Variants in KLK12 observed in about 807,000 individuals in gnomAD.
The protein encoded by KLK12 is kallikrein related peptidase 12.
Under a neutral mutation model 20.0 loss-of-function variants are expected in KLK12, and 23 were observed. The ratio of observed to expected loss-of-function variants is 1.15; its 90% CI spans 0.83 to 1.63. The LOEUF (loss-of-function observed/expected upper bound fraction) is 1.63. KLK12 is among the 40% of genes most tolerant of loss of function. The pLI is 0.00. For missense variants in KLK12, 351 were observed against 338.6 expected (o/e 1.04, Z -0.29); for synonymous variants, 147 against 141.9 (o/e 1.04, Z -0.25).
intron 3 of KLK12, among the ~76,000 whole-genome samples, chr19:51,033,646 G>C (rs1225088256): frequency 6.6e-6 from 1 of 152,090 alleles, no homozygotes; most frequent in Admixed American, 6.6e-5. Context: ...AAGAAAAAGA[G>C]CTTGGGTGAG....
intron 2 of KLK12, 92 bp from the exon 3 acceptor site, chr19:51,034,231 A>G (rs370222137): frequency 1.4e-6 from 2 of 1,388,268 alleles, no homozygotes; most frequent in East Asian, 2.5e-5. Flanking sequence ...CAGGCAGGAG[A>G]GAGAGAGGAG....
intron 5 of KLK12, 86 bp from the exon 6 acceptor site, chr19:51,029,543 T>C (rs1277670886): frequency 1.8e-6 from 2 of 1,130,104 alleles, no homozygotes; most frequent in Non-Finnish European, 2.7e-6. Flanking sequence ...GTCCTGGGCC[T>C]TGGGGAGGGC....
rs967302352 is a variant in KLK12, at chr19:51,029,476, A to G, written c.592-19T>C. The G allele has an allele frequency of 6.3e-7, 1 of 1,588,146 alleles. No individual in the cohort carries two copies. Among genetic ancestry groups the G allele is most frequent in the Non-Finnish European group, 8.6e-7 (1 of 1,156,396 alleles). On this transcript the variant is annotated intron_variant, in intron 5 of 5. Coordinates refer to ENST00000684732, the MANE Select transcript of KLK12 (RefSeq NM_001370125.1). ...AATCACCCTGGAAGGGAAGAGAAGT[A>G]CTGTCTGAACAAGGGAGACATCTTA...
chr19:51,032,881 T>C (rs2091573548), intron 3 of KLK12, among the ~76,000 whole-genome samples: 1 of 152,130 alleles, frequency 6.6e-6, no homozygotes, highest in African/African-American at 2.4e-5. Flanking sequence ...TCTCTCTCCC[T>C]GAGTCTCTGT....
At position 51,032,080 on chromosome 19, in the gene KLK12, G is replaced by T. The variant is rs2091564989; in HGVS notation, c.253C>A (p.Gln85Lys). The change falls in exon 4 of 6, where the codon CAG (glutamine) becomes AAG (lysine). Residue 85 changes from glutamine (Q) to lysine (K), a missense_variant. Gln to Lys is a moderately conservative substitution (Grantham distance 53). Transcript: ENST00000684732. Reference protein sequence around the residue: ...HSLSQLDWTEQIRHSGFSVTH... With the variant: ...HSLSQLDWTEKIRHSGFSVTH... The stretch of plus-strand genomic sequence containing the variant: ...ACAGAGAAGCCGCTGTGCCGGATCT[G>T]CTCGGTCCAGTCGAGCTGGCTGAGG... 4 of 1,604,834 alleles carry T rather than the reference G, an allele frequency of 2.5e-6. No homozygotes were observed. Among genetic ancestry groups the T allele is most frequent in the South Asian group, 1.1e-5 (1 of 90,348 alleles).
rs1599770060 is a variant in KLK12, at chr19:51,031,895, G to A, written c.438C>T (p.Gly146=). The part of the protein sequence containing the change: ...AGTECHVSGW[G]ITNHPRNPFP... ...CCTTACTCCGTGGGTGGTTGGTGATGCCCCAGCCTGAGACGTGGCACTCGG... is the reference window on the plus strand; with the variant it reads ...CCTTACTCCGTGGGTGGTTGGTGATACCCCAGCCTGAGACGTGGCACTCGG... The change falls in exon 4 of 6, where the codon GGC becomes GGT. Residue 146 remains glycine, a synonymous_variant. Coordinates refer to ENST00000684732, the MANE Select transcript of KLK12 (RefSeq NM_001370125.1). 2 of 1,613,592 alleles carry A rather than the reference G, an allele frequency of 1.2e-6. No homozygotes were observed. The highest frequency in any genetic ancestry group is 2.2e-5 in the South Asian group (2 of 91,050).
Position 51,034,861 on chromosome 19 carries a change from C to T in KLK12, c.-75G>A, listed in dbSNP as rs535754334. On this transcript the variant is annotated 5_prime_UTR_variant, in exon 1 of 6. Transcript: ENST00000684732. The stretch of plus-strand genomic sequence containing the variant: ...TGGCTGTCACTGTTTGGCCTGTCCT[C>T]GTCGCTGCTATCTCTCCGTCCACCT... The T allele has an allele frequency of 7.2e-5, 100 of 1,397,820 alleles. No homozygotes were observed. The highest frequency in any genetic ancestry group is 2.7e-4 in the African/African-American group (19 of 69,158). 86.6% of individuals were successfully genotyped at this position (1,397,820 alleles called of 1,614,324 possible). A position where few individuals can be genotyped will look rare whatever the true frequency, so the allele number is the denominator to read the frequency against.
At chr19:51,033,044 T>C (rs1283959653) in intron 3 of KLK12, among the ~76,000 whole-genome samples, 1 of 151,116 alleles carries the variant, frequency 6.6e-6, no homozygotes, top group Non-Finnish European at 1.5e-5. Flanking sequence ...CAAAACCCTG[T>C]CTCTACAAAA....
Position 51,032,121 on chromosome 19 carries a change from C to T in KLK12, c.212G>A (p.Arg71His), listed in dbSNP as rs767549990. ...CTGGCTGAGGCTGTGTTCCCCCAGG[C>T]GCACCCAGTACCTGCTGCCGGTGGC... The part of the protein sequence containing the change: ...AHCSGSRYWV[R>H]LGEHSLSQLD... Residue 71 changes from arginine (R) to histidine (H), a missense_variant, in exon 4 of 6, where the codon CGC (arginine) becomes CAC (histidine). By Grantham distance (29) the Arg-to-His change is conservative. Coordinates refer to ENST00000684732, the MANE Select transcript of KLK12 (RefSeq NM_001370125.1). The T allele has an allele frequency of 4.2e-5, 67 of 1,602,028 alleles. No homozygotes were observed. The highest frequency in any genetic ancestry group is 3.1e-4 in the African/African-American group (23 of 74,704).
At chr19:51,033,271 A>G (rs750387426) in intron 3 of KLK12, among the ~76,000 whole-genome samples, 2 of 152,002 alleles carry the variant, frequency 1.3e-5, no homozygotes, top group Admixed American at 6.6e-5. Flanking sequence ...ACATCAGTCT[A>G]CTGAGGCCCA....
In KLK12 at chr19:51,031,906, A is replaced by C; in HGVS notation, c.427T>G (p.Ser143Ala). ...CATAGTECHVSGWGITNHPRN... is the reference protein window; with the variant it reads ...CATAGTECHVAGWGITNHPRN... The stretch of plus-strand genomic sequence containing the variant: ...GGGTGGTTGGTGATGCCCCAGCCTG[A>C]GACGTGGCACTCGGTGCCAGCGGTT... Residue 143 changes from serine (S) to alanine (A), a missense_variant, in exon 4 of 6, where the codon TCA becomes GCA. Coordinates refer to ENST00000684732, the MANE Select transcript of KLK12 (RefSeq NM_001370125.1). 1 of 1,613,526 alleles carries C rather than the reference A, an allele frequency of 6.2e-7. No individual in the cohort carries two copies. Among genetic ancestry groups the C allele is most frequent in the Non-Finnish European group, 8.5e-7 (1 of 1,179,750 alleles).
At position 51,034,886 on chromosome 19, in the gene KLK12, T is replaced by G; in HGVS notation, c.-100A>C. On this transcript the variant is annotated 5_prime_UTR_variant, in exon 1 of 6. Coordinates refer to ENST00000684732, the MANE Select transcript of KLK12 (RefSeq NM_001370125.1). ...CGTCGCTGCTATCTCTCCGTCCACC[T>G]ACCTGCCTGTCTTCTCATGTGCTGG... 2 of 1,368,016 alleles carry G rather than the reference T, an allele frequency of 1.5e-6. No homozygotes were observed. The highest frequency in any genetic ancestry group is 9.5e-7 in the Non-Finnish European group (1 of 1,057,378). 84.7% of individuals were successfully genotyped at this position (1,368,016 alleles called of 1,614,324 possible).
At position 51,031,990 on chromosome 19, in the gene KLK12, G is replaced by A. The variant is rs376059650; in HGVS notation, c.343C>T (p.Arg115Cys). ...HEHDLRLLRL[R>C]LPVRVTSSVQ... The stretch of plus-strand genomic sequence containing the variant: ...CTGCTGGTTACGCGGACGGGCAGGC[G>A]CAGCCGCAGCAGCCGGAGGTCGTGC... Residue 115 changes from arginine to cysteine, a missense_variant, in exon 4 of 6, where the codon CGC (arginine) becomes TGC (cysteine). Coordinates refer to ENST00000684732, the MANE Select transcript of KLK12 (RefSeq NM_001370125.1). 115 of 1,611,966 alleles carry A rather than the reference G, an allele frequency of 7.1e-5. No homozygotes were observed. Among genetic ancestry groups the A allele is most frequent in the Admixed American group, 6.3e-4 (38 of 59,982 alleles).
At position 51,031,591 on chromosome 19, in the gene KLK12, C is replaced by CATATATATAT. The variant is rs1185762497; in HGVS notation, c.457+284_457+285insATATATATAT. On this transcript the variant is annotated intron_variant, in intron 4 of 5. Coordinates refer to ENST00000684732, the MANE Select transcript of KLK12 (RefSeq NM_001370125.1). The stretch of plus-strand genomic sequence containing the variant: ...TGACCCACAATGCCCATATCCTATA[C>CATATATATAT]ATACATATATATATATATATGCCTT... Among the ~76,000 whole-genome samples the CATATATATAT allele has an allele frequency of 5.0e-5, 3 of 60,480 alleles. No individual in the cohort carries two copies. The South Asian group carries it at 1.9e-3, about 39-fold the overall frequency. The allele number at this position is 60,480 out of a possible 152,430, so 39.7% of individuals were successfully genotyped here.
chr19:51,034,356 G>A, intron 2 of KLK12: 1 of 1,279,520 alleles, frequency 7.8e-7, no homozygotes, highest in Non-Finnish European at 1.1e-6. Flanking sequence ...GAAATGGAGA[G>A]ACAGAGATTC....
chr19:51,034,009 C>A lies in KLK12; in HGVS notation c.168G>T (p.Trp56Cys), dbSNP rs140549105. 1.2e-6 allele frequency: 2 copies of A among 1,611,418 alleles called. No individual in the cohort carries two copies. Among genetic ancestry groups the A allele is most frequent in the Non-Finnish European group, 1.7e-6 (2 of 1,179,114 alleles). The change falls in exon 3 of 6, where the codon TGG becomes TGT. Residue 56 changes from tryptophan to cysteine, a missense_variant. Trp to Cys is a radical substitution (Grantham distance 215). Transcript: ENST00000684732. ...CGCTGCAGTGAGCCGCTGTGAGGAC[C>A]CACCTGTGGTCAATAAGGACACCCC... Reference protein sequence around the residue: ...RCGGVLIDHRWVLTAAHCSGS... With the variant: ...RCGGVLIDHRCVLTAAHCSGS...
intron 5 of KLK12, 118 bp from the exon 6 acceptor site, chr19:51,029,575 A>G (rs1484182712): frequency 2.5e-6 from 2 of 800,136 alleles, no homozygotes; most frequent in South Asian, 1.5e-5. Context: ...TCATTAGACA[A>G]AAGAGTATAA....
chr19:51,030,538 CAG>C (rs1412618904), intron 5 of KLK12, among the ~76,000 whole-genome samples: 2 of 151,814 alleles, frequency 1.3e-5, no homozygotes, highest in Non-Finnish European at 2.9e-5. Context: ...TTAGTAGATT[CAG>C]AGTCTCACCG....
At chr19:51,034,753 C>A in intron 1 of KLK12, 53 bp downstream of exon 1, 1 of 1,529,140 alleles carries the variant, frequency 6.5e-7, no homozygotes, top group Non-Finnish European at 8.8e-7. Flanking sequence ...CCTCTCTCTA[C>A]CTGCTCCCCT....
Sources: allele counts gnomAD v4.1 joint callset (sites outside exome capture counted in the v4.1 genomes callset), GRCh38; gene constraint gnomAD v4.1.1; transcripts MANE v1.5; gene names NCBI Gene and HGNC (gene_info 2026-07-23, HGNC 2026-07-21).